CA10: variants seen among roughly 807,000 people sequenced by gnomAD.
CA10 encodes the protein carbonic anhydrase-related protein 10.
A neutral mutation model predicts 44.2 loss-of-function variants in CA10; 14 were observed. The observed-to-expected ratio is 0.32, with a 90% CI of 0.21 to 0.50. CA10 has a LOEUF of 0.50. CA10 is among the 20% of genes least tolerant of loss of function. The probability of loss-of-function intolerance (pLI) is 0.99; values close to 1 mark genes in which losing one functional copy is unlikely to be tolerated. For missense variants in CA10, 350 were observed against 409.7 expected, an observed-to-expected ratio of 0.85 and a Z score of 1.26; for synonymous variants, 159 against 141.6, an observed-to-expected ratio of 1.12 and a Z score of -0.87.
chr17:52,158,125 A>C lies in CA10; in HGVS notation c.-339T>G. On this transcript the variant is annotated 5_prime_UTR_variant, in exon 1 of 9. Transcript: ENST00000451037. The stretch of plus-strand genomic sequence containing the variant: ...CAGCGGCGGCGGCGGCGGCGGCGGC[A>C]GCAGCCACCTGAAGCCACCAACACT... The C allele has an allele frequency of 2.2e-6, 1 of 449,870 alleles. No homozygotes were observed. The highest frequency in any genetic ancestry group is 2.0e-5 in the South Asian group (1 of 49,350). The allele number at this position is 449,870 out of a possible 1,614,324, so 27.9% of individuals were successfully genotyped here.
At chr17:51,661,057 C>T (rs929637151) in intron 4 of CA10, among the ~76,000 whole-genome samples, 1 of 152,112 alleles carries the variant, frequency 6.6e-6, no homozygotes, top group Non-Finnish European at 1.5e-5. Context: ...TGTCATGGCA[C>T]TCTGTACTTT....
At chr17:51,814,231 G>A (rs1907481815) in intron 3 of CA10, among the ~76,000 whole-genome samples, 1 of 152,106 alleles carries the variant, frequency 6.6e-6, no homozygotes, top group African/African-American at 2.4e-5. Flanking sequence ...CATTAATAAT[G>A]ACCTCTTAAA....
At chr17:52,050,769 A>G (rs1479196178) in intron 2 of CA10, among the ~76,000 whole-genome samples, 3 of 151,932 alleles carry the variant, frequency 2.0e-5, no homozygotes, top group Non-Finnish European at 4.4e-5. Flanking sequence ...TTCAAATGAC[A>G]TCTTCCCAGC....
chr17:51,672,229 T>A (rs1914455462), intron 4 of CA10, among the ~76,000 whole-genome samples: 1 of 152,198 alleles, frequency 6.6e-6, no homozygotes, highest in African/African-American at 2.4e-5. Context: ...CAAACAATAC[T>A]ACTGCTGCTA....
intron 2 of CA10, among the ~76,000 whole-genome samples, chr17:52,045,182 A>G (rs1007959988): frequency 6.6e-6 from 1 of 151,200 alleles, no homozygotes; most frequent in African/African-American, 2.4e-5. Context: ...AAAACCAACC[A>G]TCAACCTACT....
intron 2 of CA10, among the ~76,000 whole-genome samples, chr17:52,030,537 G>A (rs1163404498): frequency 6.6e-6 from 1 of 152,124 alleles, no homozygotes; most frequent in Non-Finnish European, 1.5e-5. Flanking sequence ...CAGTCCTTGG[G>A]TACTGTGATG....
intron 4 of CA10, among the ~76,000 whole-genome samples, chr17:51,723,618 G>C (rs1916424094): frequency 6.6e-6 from 1 of 152,166 alleles, no homozygotes; most frequent in African/African-American, 2.4e-5. Context: ...GAAGCTTTTT[G>C]AAACTCAGTT....
chr17:51,994,657 A>T (rs1398967226), intron 2 of CA10, among the ~76,000 whole-genome samples: 1 of 152,068 alleles, frequency 6.6e-6, no homozygotes, highest in South Asian at 2.1e-4. Context: ...CACAGACTAA[A>T]TTTAGAATAA....
At chr17:51,836,711 G>A (rs1456407951) in intron 3 of CA10, among the ~76,000 whole-genome samples, 1 of 152,170 alleles carries the variant, frequency 6.6e-6, no homozygotes, top group East Asian at 1.9e-4. Flanking sequence ...CAGTGTATGA[G>A]GAAAAGAGAC....
At chr17:52,039,979 G>A (rs1305168950) in intron 2 of CA10, among the ~76,000 whole-genome samples, 1 of 152,040 alleles carries the variant, frequency 6.6e-6, no homozygotes, top group Non-Finnish European at 1.5e-5. Context: ...AGATTCCAAA[G>A]GATCAAGCAA....
chr17:51,727,790 G>C (rs965180056), intron 4 of CA10, among the ~76,000 whole-genome samples: 4 of 151,728 alleles, frequency 2.6e-5, no homozygotes, highest in African/African-American at 9.7e-5. Context: ...TAAACATTAG[G>C]AACACAGCAG....
intron 2 of CA10, among the ~76,000 whole-genome samples, chr17:51,942,725 C>T (rs137873080): frequency 3.3e-4 from 50 of 152,052 alleles, no homozygotes; most frequent in African/African-American, 1.1e-3. Context: ...GAGAGCTTGG[C>T]AGACAAGGAA....
At chr17:51,994,257 T>C (rs900549058) in intron 2 of CA10, among the ~76,000 whole-genome samples, 5 of 38,992 alleles carry the variant, frequency 1.3e-4, no homozygotes, top group Admixed American at 1.8e-4. Flanking sequence ...ATCCAAGAGT[T>C]TTTTTCCCCC....
intron 1 of CA10, among the ~76,000 whole-genome samples, chr17:52,123,371 G>GGTGTGTGTGTGTGT (rs34184028): frequency 0.013 from 1,910 of 146,320 alleles, 41 homozygotes; most frequent in African/African-American, 0.039. Flanking sequence ...ATATATATGG[G>GGTGTGTGTGTGTGT]GTGTGTGTGT....
At chr17:51,633,233 T>C (rs1054572847) in intron 8 of CA10, among the ~76,000 whole-genome samples, 4 of 152,142 alleles carry the variant, frequency 2.6e-5, no homozygotes, top group Non-Finnish European at 5.9e-5. Flanking sequence ...CTACCGTCCA[T>C]CCATCCATCC....
At chr17:52,098,078 A>T (rs1163037658) in intron 1 of CA10, among the ~76,000 whole-genome samples, 1 of 152,098 alleles carries the variant, frequency 6.6e-6, no homozygotes, top group Non-Finnish European at 1.5e-5. Flanking sequence ...GCCTGTTTTG[A>T]TGGGTTGGTG....
intron 3 of CA10, among the ~76,000 whole-genome samples, chr17:51,849,764 C>A (rs189953655): frequency 6.6e-6 from 1 of 152,210 alleles, no homozygotes; most frequent in East Asian, 1.9e-4. Context: ...GCTGAGTTAA[C>A]CCCAGGCAAA....
chr17:51,924,220 G>C (rs1265040106), intron 3 of CA10, among the ~76,000 whole-genome samples: 1 of 152,072 alleles, frequency 6.6e-6, no homozygotes, highest in African/African-American at 2.4e-5. Flanking sequence ...TGGGGTGAAG[G>C]GTATATTGTG....
chr17:51,838,244 T>C (rs192823587), intron 3 of CA10, among the ~76,000 whole-genome samples: 1 of 152,254 alleles, frequency 6.6e-6, no homozygotes, highest in African/African-American at 2.4e-5. Flanking sequence ...CTCTGCGTTC[T>C]GAATTTAGGG....
Sources: gnomAD v4.1 joint callset for allele counts (sites outside exome capture counted in the v4.1 genomes callset) on GRCh38, gnomAD v4.1.1 for gene constraint, MANE v1.5 for transcripts, NCBI Gene and HGNC (gene_info 2026-07-23, HGNC 2026-07-21) for gene names.